CRYBG1: variants seen among roughly 807,000 people sequenced by gnomAD.
CRYBG1 encodes the protein crystallin beta-gamma domain containing 1, also known as beta/gamma crystallin domain-containing protein 1.
Under a neutral mutation model 189.2 loss-of-function variants are expected in CRYBG1, and 139 were observed. The ratio of observed to expected loss-of-function variants is 0.73; its 90% CI spans 0.64 to 0.85. The LOEUF is 0.85. CRYBG1 is among the 40% of genes least tolerant of loss of function. CRYBG1 has a pLI of 0.00. For missense variants in CRYBG1, 2,611 were observed against 2,675.8 expected (o/e 0.98, Z 0.53); for synonymous variants, 1,023 against 1,017.1 (o/e 1.01, Z -0.11).
chr6:106,373,812 A>G (rs1770093490), intron 1 of CRYBG1, among the ~76,000 whole-genome samples: 1 of 152,240 alleles, frequency 6.6e-6, no homozygotes, highest in Admixed American at 6.5e-5. Context: ...CATTTTCCAA[A>G]GTACAACTGG....
At chr6:106,563,997 A>C in intron 21 of CRYBG1, 71 bp downstream of exon 21, 2 of 1,453,076 alleles carry the variant, frequency 1.4e-6, no homozygotes, top group Non-Finnish European at 1.9e-6. Context: ...ATCTATTCAT[A>C]ACTTTTGAAA....
chr6:106,490,203 C>T (rs983557334), intron 2 of CRYBG1, among the ~76,000 whole-genome samples: 3 of 152,208 alleles, frequency 2.0e-5, no homozygotes, highest in Non-Finnish European at 4.4e-5. Flanking sequence ...CAGGAGAATC[C>T]CTCCTTCACC....
At chr6:106,386,500 G>A (rs558014406) in intron 1 of CRYBG1, among the ~76,000 whole-genome samples, 1 of 152,286 alleles carries the variant, frequency 6.6e-6, no homozygotes, top group Admixed American at 6.5e-5. Context: ...GTTTTGATAT[G>A]AGTCTGCAAG....
At chr6:106,493,973 G>C (rs114010927) in intron 2 of CRYBG1, among the ~76,000 whole-genome samples, 30 of 151,564 alleles carry the variant, frequency 2.0e-4, no homozygotes, top group African/African-American at 6.8e-4. Flanking sequence ...AGTTAAAGGG[G>C]AAAAAAAAGA....
intron 1 of CRYBG1, among the ~76,000 whole-genome samples, chr6:106,451,046 A>G (rs1771772887): frequency 6.6e-6 from 1 of 152,188 alleles, no homozygotes; most frequent in Non-Finnish European, 1.5e-5. Flanking sequence ...AGGCATATGG[A>G]GGATGAATTG....
intron 1 of CRYBG1, among the ~76,000 whole-genome samples, chr6:106,428,115 T>C (rs1044551828): frequency 1.3e-5 from 2 of 152,224 alleles, no homozygotes; most frequent in East Asian, 3.8e-4. Context: ...TATCAATACC[T>C]GACATTATAA....
At chr6:106,374,970 G>A (rs981779731) in intron 1 of CRYBG1, among the ~76,000 whole-genome samples, 2 of 152,158 alleles carry the variant, frequency 1.3e-5, no homozygotes, top group African/African-American at 4.8e-5. Context: ...ATTAAATTTT[G>A]TTGTAGGGTT....
intron 1 of CRYBG1, among the ~76,000 whole-genome samples, chr6:106,395,773 A>G (rs949330625): frequency 1.3e-5 from 2 of 151,970 alleles, no homozygotes; most frequent in Admixed American, 6.6e-5. Flanking sequence ...TACATTACAA[A>G]GATACTATAT....
At chr6:106,526,417 T>G (rs1231862255) in intron 6 of CRYBG1, among the ~76,000 whole-genome samples, 1 of 152,336 alleles carries the variant, frequency 6.6e-6, no homozygotes, top group Admixed American at 6.5e-5. Flanking sequence ...GGAACAGTAC[T>G]TTTTCCTTTC....
At chr6:106,507,105 A>G (rs567568020) in intron 2 of CRYBG1, among the ~76,000 whole-genome samples, 4 of 152,192 alleles carry the variant, frequency 2.6e-5, no homozygotes, top group Non-Finnish European at 5.9e-5. Flanking sequence ...ATCACCTAAC[A>G]GCACTGCAGC....
chr6:106,409,123 C>G (rs1045386465), intron 1 of CRYBG1, among the ~76,000 whole-genome samples: 3 of 152,114 alleles, frequency 2.0e-5, no homozygotes, highest in Middle Eastern at 3.2e-3. Context: ...TTTAGAAAAC[C>G]CCATTGTCTC....
chr6:106,392,511 G>A (rs1770527682), intron 1 of CRYBG1, among the ~76,000 whole-genome samples: 4 of 152,280 alleles, frequency 2.6e-5, no homozygotes, highest in African/African-American at 7.2e-5. Context: ...GAAGGGAAAA[G>A]GACAGTGCTA....
chr6:106,481,706 G>C (rs1447447758), intron 2 of CRYBG1, among the ~76,000 whole-genome samples: 1 of 152,132 alleles, frequency 6.6e-6, no homozygotes, highest in Non-Finnish European at 1.5e-5. Context: ...AAAAAGGGAG[G>C]GAAATGAGGC....
rs1008237006 is a variant in CRYBG1, at chr6:106,520,946, G to T, written c.3738G>T (p.Leu1246Phe). The T allele has an allele frequency of 9.3e-6, 15 of 1,614,146 alleles. No individual in the cohort carries two copies. The highest frequency in any genetic ancestry group is 1.3e-5 in the African/African-American group (1 of 75,038). The change falls in exon 4 of 22, where the codon TTG becomes TTT. Residue 1246 changes from leucine (L) to phenylalanine (F), a missense_variant. Coordinates refer to ENST00000633556, the MANE Select transcript of CRYBG1 (RefSeq NM_001371242.2). ...RLEKSALFSS[L>F]LSSLPQDKIF... Reference sequence around the variant, plus strand: ...AAAAAAGTGCACTTTTCTCAAGCTTGTTATCTTCTTTACCACAAGACAAAA... The same window carrying T: ...AAAAAAGTGCACTTTTCTCAAGCTTTTTATCTTCTTTACCACAAGACAAAA...
intron 1 of CRYBG1, among the ~76,000 whole-genome samples, chr6:106,435,108 T>G (rs2114411442): frequency 6.6e-6 from 1 of 152,256 alleles, no homozygotes; most frequent in African/African-American, 2.4e-5. Flanking sequence ...AACAAAGACC[T>G]TCTCCTGTTA....
Position 106,512,291 on chromosome 6 carries a change from G to C in CRYBG1, c.1174G>C (p.Glu392Gln). ...TAAGACTGAGGGGGCACAAGTGGAC[G>C]AGCCGGTCGTGATTACTCCCAGAGC... Reference protein sequence around the residue: ...LSKTEGAQVDEPVVITPRAED... With the variant: ...LSKTEGAQVDQPVVITPRAED... Residue 392 changes from glutamate (E) to glutamine (Q), a missense_variant, in exon 3 of 22, where the codon GAG (glutamate) becomes CAG (glutamine). By Grantham distance (29) the Glu-to-Gln change is conservative (BLOSUM62 2). Coordinates refer to ENST00000633556, the MANE Select transcript of CRYBG1 (RefSeq NM_001371242.2). 1.3e-6 allele frequency: 2 copies of C among 1,584,494 alleles called. No individual in the cohort carries two copies. The highest frequency in any genetic ancestry group is 1.8e-5 in the Admixed American group (1 of 54,466).
intron 9 of CRYBG1, chr6:106,541,373 T>A: frequency 1.5e-6 from 1 of 676,714 alleles, no homozygotes. Flanking sequence ...GCAGATCAGC[T>A]TATAGACTGC....
At chr6:106,532,832 A>T (rs1353519047) in intron 8 of CRYBG1, among the ~76,000 whole-genome samples, 3 of 152,152 alleles carry the variant, frequency 2.0e-5, no homozygotes, top group Non-Finnish European at 2.9e-5. Flanking sequence ...AAAGGCTTTT[A>T]TTTCCTCTGC....
rs1770367169 is a variant in CRYBG1, at chr6:106,385,464, A to G, written c.173+24383A>G. 2.0e-5 allele frequency among the ~76,000 whole-genome samples: 3 copies of G among 152,220 alleles called. No homozygotes were observed. The South Asian group carries it at 6.2e-4, about 32-fold the overall frequency. ...AGCCAGAAAGCCATCCAGTCATGGC[A>G]GCTACTCTGTCCATGCATATACTGA... On this transcript the variant is annotated intron_variant, in intron 1 of 21. Transcript: ENST00000633556.
Sources: allele counts gnomAD v4.1 joint callset (sites outside exome capture counted in the v4.1 genomes callset), GRCh38; gene constraint gnomAD v4.1.1; transcripts MANE v1.5; gene names NCBI Gene and HGNC (gene_info 2026-07-23, HGNC 2026-07-21).